The following DIP2C variants were observed in gnomAD, a reference collection of about 807,000 sequenced individuals.
DIP2C encodes disco-interacting protein 2 homolog C.
DIP2C carries 33 observed loss-of-function variants against 192.4 expected under a neutral mutation model. The ratio of observed to expected loss-of-function variants is 0.17; its 90% confidence interval spans 0.13 to 0.23. DIP2C has a LOEUF of 0.23. Among genes scored for constraint, DIP2C ranks in the 10% least tolerant of loss-of-function variants. The pLI is 1.00. For missense variants in DIP2C, 1,537 were observed against 2,110.1 expected (o/e 0.73, Z 5.32); for synonymous variants, 979 against 864.1 (o/e 1.13, Z -2.33).
chr10:336,918 GTGTT>G (rs1957805643), intron 29 of DIP2C, among the ~76,000 whole-genome samples: 1 of 88,170 alleles, frequency 1.1e-5, no homozygotes, highest in Non-Finnish European at 3.0e-5. Context: ...GTGTGTGTGT[GTGTT>G]GTGGAGGCCT....
At position 661,532 on chromosome 10, in the gene DIP2C, C is replaced by T. The variant is rs188483715; in HGVS notation, c.85+27962G>A. 6.3e-3 allele frequency among the ~76,000 whole-genome samples: 955 copies of T among 152,304 alleles called. 7 individuals are homozygous for T. Among genetic ancestry groups the T allele is most frequent in the Non-Finnish European group, 8.3e-3 (565 of 68,018 alleles). ...CTCGCTGCCTCCAGCTGGAGTCCCA[C>T]CCCCTGGTTTTCAGCAACACTTGGG... On this transcript the variant is annotated intron_variant, in intron 1 of 36. Coordinates refer to ENST00000280886, the MANE Select transcript of DIP2C (RefSeq NM_014974.3).
At chr10:473,381 A>G (rs114500778) in intron 2 of DIP2C, among the ~76,000 whole-genome samples, 3,411 of 152,306 alleles carry the variant, frequency 0.022, 126 homozygotes, top group African/African-American at 0.077. Context: ...GATACCACAG[A>G]AAGGACATCA....
intron 1 of DIP2C, among the ~76,000 whole-genome samples, chr10:605,893 G>A (rs1478697567): frequency 1.3e-5 from 2 of 152,196 alleles, no homozygotes; most frequent in Non-Finnish European, 2.9e-5. Flanking sequence ...GAGCAGAAAC[G>A]GAGCCCACTG....
chr10:563,381 C>CA (rs1849313014), intron 1 of DIP2C, among the ~76,000 whole-genome samples: 1 of 152,090 alleles, frequency 6.6e-6, no homozygotes, highest in African/African-American at 2.4e-5. Flanking sequence ...AACCTCCTAA[C>CA]AGCAGTTGTA....
In DIP2C at chr10:580,241, A is replaced by G. The variant is rs1850528591; in HGVS notation, c.86-93711T>C. On this transcript the variant is annotated intron_variant, in intron 1 of 36. Coordinates refer to ENST00000280886, the MANE Select transcript of DIP2C (RefSeq NM_014974.3). Reference sequence around the variant, plus strand: ...TATATATGTCAGTACACTAACATATACATGTGTAAAGTATGTACATATGCA... The same window carrying G: ...TATATATGTCAGTACACTAACATATGCATGTGTAAAGTATGTACATATGCA... Among the ~76,000 whole-genome samples the G allele has an allele frequency of 2.0e-5, 3 of 152,170 alleles. 1 individual carries two copies. The South Asian group carries it at 6.2e-4, about 31-fold the overall frequency.
chr10:356,151 C>A (rs1959069567), intron 24 of DIP2C: 1 of 566,698 alleles, frequency 1.8e-6, no homozygotes, highest in Admixed American at 3.1e-5. Flanking sequence ...CTTACGATTT[C>A]TCTCTTGCAG....
At chr10:685,944 G>A (rs931617377) in intron 1 of DIP2C, among the ~76,000 whole-genome samples, 1 of 32,222 alleles carries the variant, frequency 3.1e-5, no homozygotes, top group South Asian at 3.7e-3. Context: ...ATGGGAGACA[G>A]AGTGAGACCG....
chr10:345,433 CCAGA>C (rs1439352429), intron 26 of DIP2C, among the ~76,000 whole-genome samples: 1 of 151,842 alleles, frequency 6.6e-6, no homozygotes, highest in Non-Finnish European at 1.5e-5. Context: ...ACACACACAC[CCAGA>C]CACATCGCGC....
intron 10 of DIP2C, among the ~76,000 whole-genome samples, chr10:392,244 G>A (rs918025321): frequency 2.6e-5 from 4 of 152,288 alleles, no homozygotes; most frequent in Admixed American, 6.5e-5. Context: ...GCAGGAAGGC[G>A]GCTCTGCTGA....
chr10:662,582 C>A (rs1224830009), intron 1 of DIP2C, among the ~76,000 whole-genome samples: 1 of 152,162 alleles, frequency 6.6e-6, no homozygotes, highest in Non-Finnish European at 1.5e-5. Context: ...AAATATGACT[C>A]CAAAGAGAGA....
At chr10:414,149 A>T in intron 7 of DIP2C, 39 bp from the exon 8 acceptor site, 1 of 1,580,558 alleles carries the variant, frequency 6.3e-7, no homozygotes, top group Non-Finnish European at 8.6e-7. Flanking sequence ...AGAGAAATGC[A>T]TCCACATTAG....
At chr10:368,429 G>A (rs1960548383) in intron 18 of DIP2C, among the ~76,000 whole-genome samples, 1 of 152,240 alleles carries the variant, frequency 6.6e-6, no homozygotes, top group Non-Finnish European at 1.5e-5. Context: ...GGCAGGGAGT[G>A]GGCTGGACAC....
rs1958691541 is a variant in DIP2C, at chr10:349,554, A to G, written c.2986-100T>C. The G allele has an allele frequency of 2.7e-6, 4 of 1,476,386 alleles. No individual in the cohort carries two copies. In the Admixed American group the frequency reaches 5.9e-5, roughly 22 times the overall value. The allele number at this position is 1,476,386 out of a possible 1,614,324, so 91.5% of individuals were successfully genotyped here. The stretch of plus-strand genomic sequence containing the variant: ...TACAACTCACTGGCGCAAAGCATAC[A>G]TCACTGGTTTTTAGAACAAGCACAG... On this transcript the variant is annotated intron_variant, in intron 24 of 36. Transcript: ENST00000280886.
chr10:508,353 T>G (rs1845775016), intron 1 of DIP2C, among the ~76,000 whole-genome samples: 1 of 152,130 alleles, frequency 6.6e-6, no homozygotes, highest in South Asian at 2.1e-4. Flanking sequence ...CCTCAGCCCC[T>G]CCATGTGTGC....
chr10:375,255 A>G (rs945160374), intron 17 of DIP2C, among the ~76,000 whole-genome samples: 1 of 152,120 alleles, frequency 6.6e-6, no homozygotes, highest in African/African-American at 2.4e-5. Context: ...TTTAGAATAG[A>G]GCTGGGCACC....
intron 1 of DIP2C, among the ~76,000 whole-genome samples, chr10:546,725 C>T (rs967876469): frequency 2.0e-5 from 3 of 152,012 alleles, no homozygotes; most frequent in South Asian, 4.2e-4. Flanking sequence ...TACCAGCACA[C>T]GATTTTGTAA....
intron 10 of DIP2C, among the ~76,000 whole-genome samples, chr10:394,884 T>A (rs961953901): frequency 1.3e-5 from 2 of 150,142 alleles, no homozygotes; most frequent in African/African-American, 4.9e-5. Flanking sequence ...TATTCAGCCT[T>A]CAGACAGGAG....
intron 32 of DIP2C, among the ~76,000 whole-genome samples, chr10:292,738 G>C (rs1955553585): frequency 6.6e-6 from 1 of 152,270 alleles, no homozygotes; most frequent in African/African-American, 2.4e-5. Context: ...GAGATAATCA[G>C]GTTTTTCATC....
chr10:623,186 C>G (rs545707895), intron 1 of DIP2C, among the ~76,000 whole-genome samples: 2 of 152,104 alleles, frequency 1.3e-5, no homozygotes, highest in East Asian at 3.9e-4. Flanking sequence ...GGAGGGGGCA[C>G]GGAGGCAGCA....
Sources: gnomAD v4.1 joint callset for allele counts (sites outside exome capture counted in the v4.1 genomes callset) on GRCh38, gnomAD v4.1.1 for gene constraint, MANE v1.5 for transcripts, NCBI Gene and HGNC (gene_info 2026-07-23, HGNC 2026-07-21) for gene names.